Variants in LRCH1 observed in about 807,000 individuals in gnomAD.
The protein encoded by LRCH1 is leucine-rich repeat and calponin homology domain-containing protein 1.
LRCH1 carries 23 observed loss-of-function variants against 94.9 expected under a neutral mutation model. The observed-to-expected ratio is 0.24, with a 90% CI of 0.17 to 0.34. The LOEUF (loss-of-function observed/expected upper bound fraction) is 0.34. LRCH1 is among the 10% of genes least tolerant of loss of function. The probability of loss-of-function intolerance (pLI) is 1.00; values close to 1 mark genes in which losing one functional copy is unlikely to be tolerated. For synonymous variants in LRCH1, 364 were observed against 354.9 expected, an observed-to-expected ratio of 1.03 and a Z score of -0.29; for missense variants, 790 against 945.9, an observed-to-expected ratio of 0.84 and a Z score of 2.16.
intron 1 of LRCH1, among the ~76,000 whole-genome samples, chr13:46,648,298 A>G (rs1773122): frequency 0.8 from 121,050 of 152,072 alleles, 48,290 homozygotes; most frequent in East Asian, 0.91. Context: ...TGAGCAGTGG[A>G]GAGTGGCTGT....
In LRCH1 at chr13:46,651,417, A is replaced by C. The variant is rs1405668292; in HGVS notation, c.452+1072A>C. ...GGTGGCTCAGGCCTGTAATCCCAGC[A>C]CTTTGGGAGGCCGAGGCGGAGGGAT... On this transcript the variant is annotated intron_variant, in intron 2 of 19. Transcript: ENST00000389797. Among the ~76,000 whole-genome samples the C allele has an allele frequency of 4.6e-5, 7 of 152,188 alleles. No homozygotes were observed. In the East Asian group the frequency reaches 1.2e-3, roughly 25 times the overall value.
chr13:46,679,839 G>A (rs1161708478), intron 3 of LRCH1: 1 of 152,312 alleles, frequency 6.6e-6, no homozygotes, highest in African/African-American at 2.4e-5. Context: ...CCTCTTCATC[G>A]GGTGGTATCC....
At chr13:46,735,035 G>A (rs1873301341) in intron 19 of LRCH1, among the ~76,000 whole-genome samples, 1 of 151,952 alleles carries the variant, frequency 6.6e-6, no homozygotes, top group Non-Finnish European at 1.5e-5. Context: ...GGGATTCAGA[G>A]GTGGGGGATA....
intron 2 of LRCH1, among the ~76,000 whole-genome samples, chr13:46,659,163 GATTT>G (rs67901139): frequency 0.059 from 8,729 of 148,920 alleles, 484 homozygotes; most frequent in African/African-American, 0.15. Flanking sequence ...AAATACTTCA[GATTT>G]ATTTATTTAT....
At chr13:46,605,646 G>C (rs939918419) in intron 1 of LRCH1, among the ~76,000 whole-genome samples, 1 of 151,994 alleles carries the variant, frequency 6.6e-6, no homozygotes, top group Non-Finnish European at 1.5e-5. Flanking sequence ...GGGGATTCTT[G>C]ACTGGGATTT....
intron 11 of LRCH1, among the ~76,000 whole-genome samples, chr13:46,703,166 A>T (rs966573529): frequency 1.3e-5 from 2 of 152,218 alleles, no homozygotes; most frequent in African/African-American, 4.8e-5. Context: ...GTATCCATGC[A>T]TGTGTATGGT....
chr13:46,685,944 G>C lies in LRCH1; in HGVS notation c.725G>C (p.Cys242Ser), dbSNP rs1870589434. The change falls in exon 5 of 20, where the codon TGC becomes TCC. Residue 242 changes from cysteine to serine, a missense_variant. By Grantham distance (112) the Cys-to-Ser change is moderately radical. Around this residue, in one of 3 missense-constraint regions of LRCH1, gnomAD observed 194 missense variants for 293.5 expected, o/e 0.66. Coordinates refer to ENST00000389797, the MANE Select transcript of LRCH1 (RefSeq NM_001164211.2). ...TCCTTGGTAAAGTTTGACTTTTCCTGCAACAAAGTGCTCGTGATTCCAATT... is the reference window on the plus strand; with the variant it reads ...TCCTTGGTAAAGTTTGACTTTTCCTCCAACAAAGTGCTCGTGATTCCAATT... ...DLSLVKFDFS[C>S]NKVLVIPICF... is the part of the protein sequence containing the mutation. The C allele has an allele frequency of 2.5e-6, 4 of 1,608,100 alleles. No homozygotes were observed. The highest frequency in any genetic ancestry group is 3.4e-6 in the Non-Finnish European group (4 of 1,177,872).
chr13:46,649,828 CAA>C (rs565134610), intron 1 of LRCH1, among the ~76,000 whole-genome samples: 24 of 99,878 alleles, frequency 2.4e-4, no homozygotes, highest in East Asian at 3.0e-4. Context: ...GATCCTGTCT[CAA>C]AAAAAAAAAA....
At chr13:46,727,929 T>A (rs116779556) in intron 17 of LRCH1, among the ~76,000 whole-genome samples, 1 of 107,982 alleles carries the variant, frequency 9.3e-6, no homozygotes, top group African/African-American at 2.9e-5. Context: ...TTCTTTTTTT[T>A]TTTTTGAGAT....
chr13:46,749,169 C>T (rs558566693), downstream of LRCH1, among the ~76,000 whole-genome samples: 9 of 152,276 alleles, frequency 5.9e-5, no homozygotes, highest in African/African-American at 2.2e-4. Flanking sequence ...GATGCAGATC[C>T]CACTTAAACT....
intron 18 of LRCH1, 124 bp downstream of exon 18, chr13:46,729,108 C>A: frequency 1.2e-6 from 1 of 831,534 alleles, no homozygotes; most frequent in Non-Finnish European, 1.7e-6. Flanking sequence ...GGCCCCAAAC[C>A]ATTATAAGGC....
At chr13:46,689,094 T>A in intron 6 of LRCH1, 39 bp from the exon 7 acceptor site, 1 of 1,501,492 alleles carries the variant, frequency 6.7e-7, no homozygotes, top group South Asian at 1.2e-5. Flanking sequence ...GATTTTAATC[T>A]TTTTTAAATG....
chr13:46,695,166 G>A (rs9316223), intron 9 of LRCH1, 149 bp downstream of exon 9: 228,825 of 879,576 alleles, frequency 0.26, 32,058 homozygotes, highest in East Asian at 0.4. Context: ...AGCGCTCAGC[G>A]TGTCTATTTG....
chr13:46,582,370 C>CT (rs10686269), intron 1 of LRCH1, among the ~76,000 whole-genome samples: 1,043 of 79,588 alleles, frequency 0.013, 48 homozygotes, highest in African/African-American at 0.032. Context: ...TTGCTCTCAT[C>CT]TTTTTTTTTT....
chr13:46,553,939 G>A (rs976347278), intron 1 of LRCH1, among the ~76,000 whole-genome samples: 1 of 152,224 alleles, frequency 6.6e-6, no homozygotes, highest in Non-Finnish European at 1.5e-5. Flanking sequence ...GGTGCGCCGG[G>A]CCTCTGCGCC....
intron 13 of LRCH1, among the ~76,000 whole-genome samples, chr13:46,705,838 G>A (rs1225310285): frequency 2.6e-5 from 4 of 152,208 alleles, no homozygotes; most frequent in Non-Finnish European, 5.9e-5. Flanking sequence ...AAATTTGGAT[G>A]GCTGTAAAGA....
At chr13:46,745,332 AAG>A (rs1357398275), downstream of LRCH1, among the ~76,000 whole-genome samples, 1 of 151,876 alleles carries the variant, frequency 6.6e-6, no homozygotes, top group African/African-American at 2.4e-5. Flanking sequence ...TAGACAAGTA[AAG>A]AGGAATTCAA....
Position 46,750,582 on chromosome 13 carries a change from CT to C in LRCH1, c.2024del (p.Leu675ArgfsTer12). On this transcript the variant is annotated frameshift_variant, in exon 19 of 19. Coordinates refer to the LRCH1 transcript ENST00000311191. LOFTEE classifies it high-confidence loss of function. ...CCACCACATCCTTGAAGAAAAAGGC[CT>C]GGTCAAAGTGGGCATTACCATTCAA... The C allele has an allele frequency of 6.4e-7, 1 of 1,552,076 alleles. No individual in the cohort carries two copies. The highest frequency in any genetic ancestry group is 8.7e-7 in the Non-Finnish European group (1 of 1,147,012).
intron 1 of LRCH1, among the ~76,000 whole-genome samples, chr13:46,606,148 A>ATGTGTGTG (rs3991577): frequency 2.8e-4 from 41 of 148,728 alleles, no homozygotes; most frequent in African/African-American, 8.6e-4. Flanking sequence ...TTTTAACCTT[A>ATGTGTGTG]TGTGTGTGTG....
Sources: gnomAD v4.1 joint callset for allele counts (sites outside exome capture counted in the v4.1 genomes callset) on GRCh38, gnomAD v4.1.1 for gene constraint, gnomAD v4.1.1 regional missense constraint, MANE v1.5 for transcripts, NCBI Gene and HGNC (gene_info 2026-07-23, HGNC 2026-07-21) for gene names.